The following CRMP1 variants were observed in gnomAD, a reference collection of about 807,000 sequenced individuals.
CRMP1 encodes dihydropyrimidinase-related protein 1.
A neutral mutation model predicts 68.3 loss-of-function variants in CRMP1; 19 were observed. The ratio of observed to expected loss-of-function variants is 0.28; its 90% CI spans 0.19 to 0.41. The LOEUF (loss-of-function observed/expected upper bound fraction) is 0.41, where lower values mean the gene tolerates loss of function less well. Ranked by LOEUF, CRMP1 falls within the 10% of genes least tolerant of loss-of-function variation. CRMP1 has a pLI of 1.00. For missense variants in CRMP1, 791 were observed against 967.4 expected, an observed-to-expected ratio of 0.82 and a Z score of 2.42; for synonymous variants, 439 against 399.6, an observed-to-expected ratio of 1.10 and a Z score of -1.18.
chr4:5,827,975 G>C, intron 12 of CRMP1: 2 of 932,462 alleles, frequency 2.1e-6, no homozygotes, highest in Non-Finnish European at 2.6e-6. Context: ...AGGAAAATAA[G>C]GAACGACAGG....
At chr4:5,884,174 C>T (rs1331240187) in intron 1 of CRMP1, among the ~76,000 whole-genome samples, 1 of 152,176 alleles carries the variant, frequency 6.6e-6, no homozygotes, top group African/African-American at 2.4e-5. Flanking sequence ...ATATGCATGA[C>T]AAATCACTGT....
chr4:5,839,476 A>G (rs1190824051), intron 9 of CRMP1, 46 bp downstream of exon 9: 1 of 1,564,838 alleles, frequency 6.4e-7, no homozygotes, highest in Non-Finnish European at 8.7e-7. Context: ...TCTGCCTCCA[A>G]AGGCCCCAGC....
rs6446402 is a variant in CRMP1 at position 5,866,226 on chromosome 4, T to C, written c.470+442A>G. Among the ~76,000 whole-genome samples the C allele has an allele frequency of 0.74, 111,889 of 152,090 alleles. 41,565 individuals carry two copies. The highest frequency in any genetic ancestry group is 0.79 in the East Asian group (4,078 of 5,148). ...GGAAGCCACACATTCCTCCTTCCTC[T>C]CTGCTCTCCTCAACCCAATTCCAGA... On this transcript the variant is annotated intron_variant, in intron 2 of 13. Coordinates refer to ENST00000324989, the MANE Select transcript of CRMP1 (RefSeq NM_001014809.3). The surrounding 1 kb of genome is among the most constrained non-coding windows in gnomAD (Gnocchi z 5.9).
chr4:5,857,692 G>A (rs377681766), intron 3 of CRMP1, among the ~76,000 whole-genome samples: 2 of 152,192 alleles, frequency 1.3e-5, no homozygotes, highest in African/African-American at 2.4e-5. Context: ...GTCCAAGAGC[G>A]TACAACTAGT....
rs899260405 is a variant in CRMP1 at position 5,881,604 on chromosome 4, G to A, written c.381+10985C>T. Among the ~76,000 whole-genome samples the A allele has an allele frequency of 7.2e-5, 11 of 152,018 alleles. No individual in the cohort carries two copies. The East Asian group carries it at 7.7e-4, about 11-fold the overall frequency. ...ATATGCTCTCACGGCAAAGTCCTCC[G>A]GTGTTCCTCTTCCATGGCAAGAGCT... On this transcript the variant is annotated intron_variant, in intron 1 of 13. Coordinates refer to ENST00000324989, the MANE Select transcript of CRMP1 (RefSeq NM_001014809.3). This position sits in a 1 kb window ranked among gnomAD's most constrained non-coding sequence, Gnocchi z 4.6.
intron 1 of CRMP1, among the ~76,000 whole-genome samples, chr4:5,882,947 A>C (rs1224718838): frequency 6.6e-6 from 1 of 152,202 alleles, no homozygotes; most frequent in Non-Finnish European, 1.5e-5. Context: ...TGTTATTTCC[A>C]TCCCCTTGGG....
At chr4:5,840,584 C>T (rs1711648692) in intron 8 of CRMP1, among the ~76,000 whole-genome samples, 1 of 152,238 alleles carries the variant, frequency 6.6e-6, no homozygotes, top group South Asian at 2.1e-4. Flanking sequence ...CCACATGTGG[C>T]TGTTAAGCTG....
rs1719459012 is a variant in CRMP1 at position 5,825,731 on chromosome 4, G to A, written c.1804-72C>T. The A allele has an allele frequency of 3.3e-6, 5 of 1,523,268 alleles. No homozygotes were observed. In the South Asian group the frequency reaches 6.1e-5, roughly 19 times the overall value. The allele number at this position is 1,523,268 out of a possible 1,614,324, so 94.4% of individuals were successfully genotyped here. ...TGCCCTTCTGGGCAGATAAAGCAGAGCCCTGCGGGCGAGAGAGAAACCTGA... is the reference window on the plus strand; with the variant it reads ...TGCCCTTCTGGGCAGATAAAGCAGAACCCTGCGGGCGAGAGAGAAACCTGA... On this transcript the variant is annotated intron_variant, in intron 12 of 13. Coordinates refer to ENST00000324989, the MANE Select transcript of CRMP1 (RefSeq NM_001014809.3). The surrounding 1 kb of genome is among the most constrained non-coding windows in gnomAD (Gnocchi z 4.4).
rs1711940328 is a variant in CRMP1 at position 5,843,428 on chromosome 4, T to A, written c.964-267A>T. 6.6e-6 allele frequency among the ~76,000 whole-genome samples: 1 copy of A among 152,112 alleles called. No individual in the cohort carries two copies. The highest frequency in any genetic ancestry group is 2.4e-5 in the African/African-American group (1 of 41,422). Reference sequence around the variant, plus strand: ...CGGGATCAATGAGAGGAAGCAGGGTTATAAGACACGAGCTTCCAAGGCCAC... The same window carrying A: ...CGGGATCAATGAGAGGAAGCAGGGTAATAAGACACGAGCTTCCAAGGCCAC... On this transcript the variant is annotated intron_variant, in intron 6 of 13. Transcript: ENST00000324989. The surrounding 1 kb of genome is among the most constrained non-coding windows in gnomAD (Gnocchi z 4.1).
rs1491146782 is a variant in CRMP1 at position 5,824,500 on chromosome 4, CTT to C, written c.1969+992_1969+993del. The C allele has an allele frequency of 1.0e-4, 99 of 977,412 alleles. No individual in the cohort carries two copies. The African/African-American group carries it at 1.3e-3, about 13-fold the overall frequency. The allele number at this position is 977,412 out of a possible 1,614,324, so 60.5% of individuals were successfully genotyped here. The stretch of plus-strand genomic sequence containing the variant: ...CACGTCATCCTCTCTCTCTCTCTCT[CTT>C]TGCCCCTTCCACTCTCTCTTTTGCT... On this transcript the variant is annotated intron_variant, in intron 13 of 13. Transcript: ENST00000324989.
intron 3 of CRMP1, among the ~76,000 whole-genome samples, chr4:5,856,788 C>A (rs1713100347): frequency 6.7e-6 from 1 of 150,210 alleles, no homozygotes. Flanking sequence ...ACCATCAGCA[C>A]CATCATCACC....
At position 5,857,230 on chromosome 4, in the gene CRMP1, A is replaced by T. The variant is rs558179474; in HGVS notation, c.656-923T>A. On this transcript the variant is annotated intron_variant, in intron 3 of 13. Transcript: ENST00000324989. ...CCACCCCATCACCAGCACCACCATC[A>T]TCACCATCACCATCATCATCATCAC... 1.8e-3 allele frequency among the ~76,000 whole-genome samples: 275 copies of T among 151,364 alleles called. 1 individual carries two copies. The highest frequency in any genetic ancestry group is 6.4e-3 in the African/African-American group (264 of 41,128).
intron 13 of CRMP1, chr4:5,824,328 T>C (rs1420791361): frequency 4.1e-6 from 4 of 985,300 alleles, no homozygotes; most frequent in African/African-American, 3.5e-5. Context: ...TGCAAAAATA[T>C]GAAACACTGG....
In CRMP1 at chr4:5,821,815, C is replaced by T; in HGVS notation, c.2006G>A (p.Gly669Asp). ...ACCAGGGGGCGCCACGATGCGGTGG[C>T]CGGTGCGCCTGGGATTGTTGTCATC... is the stretch of plus-strand genomic sequence containing the variant. ...QIDDNNPRRTGHRIVAPPGGR... is the reference protein window; with the variant it reads ...QIDDNNPRRTDHRIVAPPGGR... Residue 669 changes from glycine to aspartate, a missense_variant, in exon 14 of 14, where the codon GGC becomes GAC. Coordinates refer to ENST00000324989, the MANE Select transcript of CRMP1 (RefSeq NM_001014809.3). The surrounding 1 kb of genome is among the most constrained non-coding windows in gnomAD (Gnocchi z 4.4). The T allele has an allele frequency of 6.2e-7, 1 of 1,610,824 alleles. No homozygotes were observed. The highest frequency in any genetic ancestry group is 8.5e-7 in the Non-Finnish European group (1 of 1,179,138).
chr4:5,832,420 C>T (rs1167117979), intron 11 of CRMP1, among the ~76,000 whole-genome samples: 1 of 151,992 alleles, frequency 6.6e-6, no homozygotes, highest in Non-Finnish European at 1.5e-5. Context: ...ATGTTTTCCA[C>T]AAAGATAGGA....
intron 13 of CRMP1, among the ~76,000 whole-genome samples, chr4:5,823,231 A>T (rs1718972931): frequency 6.6e-6 from 1 of 152,124 alleles, no homozygotes; most frequent in Admixed American, 6.5e-5. Flanking sequence ...TCCAACTCCA[A>T]CATTACATGA....
intron 5 of CRMP1, among the ~76,000 whole-genome samples, chr4:5,849,897 C>G (rs1177381081): frequency 6.6e-6 from 1 of 152,224 alleles, no homozygotes; most frequent in East Asian, 1.9e-4. Flanking sequence ...TAGCCACCTA[C>G]ATGCCACAGA....
rs1389936295 is a variant in CRMP1, at chr4:5,872,887, G to T, written c.382-6131C>A. ...AAAACGTCCACACTCAGACAGAGGT[G>T]GGCTTGGATCCTGACTTCACTTATT... On this transcript the variant is annotated intron_variant, in intron 1 of 13. Coordinates refer to ENST00000324989, the MANE Select transcript of CRMP1 (RefSeq NM_001014809.3). The surrounding 1 kb of genome is among the most constrained non-coding windows in gnomAD (Gnocchi z 4.6). Among the ~76,000 whole-genome samples the T allele has an allele frequency of 2.6e-5, 4 of 152,200 alleles. No homozygotes were observed. Among genetic ancestry groups the T allele is most frequent in the Admixed American group, 6.5e-5 (1 of 15,278 alleles).
rs759414340 is a variant in CRMP1, at chr4:5,825,674, G to T, written c.1804-15C>A. On this transcript the variant is annotated splice_polypyrimidine_tract_variant and intron_variant, in intron 12 of 13. Coordinates refer to ENST00000324989, the MANE Select transcript of CRMP1 (RefSeq NM_001014809.3). This position sits in a 1 kb window ranked among gnomAD's most constrained non-coding sequence, Gnocchi z 4.4. ...AATCCAAAAACCTAAACAGAGGAAG[G>T]GAGAGTGTGATTGATCGACACTGTG... The T allele has an allele frequency of 6.2e-7, 1 of 1,611,920 alleles. No homozygotes were observed. Among genetic ancestry groups the T allele is most frequent in the Non-Finnish European group, 8.5e-7 (1 of 1,178,986 alleles).
Sources: allele counts gnomAD v4.1 joint callset (sites outside exome capture counted in the v4.1 genomes callset), GRCh38; gene constraint gnomAD v4.1.1; non-coding constraint Gnocchi (gnomAD v3.1); transcripts MANE v1.5; gene names NCBI Gene and HGNC (gene_info 2026-07-23, HGNC 2026-07-21).